The following TMEM132A variants were observed in gnomAD, a reference collection of about 807,000 sequenced individuals.
TMEM132A encodes the protein transmembrane protein 132A, also known as GRP78-binding protein.
In TMEM132A, 48 loss-of-function variants were observed where a neutral mutation model predicts 69.9. The observed-to-expected ratio is 0.69, with a 90% CI of 0.55 to 0.87. The LOEUF (loss-of-function observed/expected upper bound fraction) is 0.87, where lower values mean the gene tolerates loss of function less well. Among genes scored for constraint, TMEM132A ranks in the 40% least tolerant of loss-of-function variants. TMEM132A has a pLI of 0.00. For synonymous variants in TMEM132A, 577 were observed against 613.7 expected, an observed-to-expected ratio of 0.94 and a Z score of 0.88; for missense variants, 1,287 against 1,407.2, an observed-to-expected ratio of 0.91 and a Z score of 1.37.
At chr11:60,931,918 G>A in intron 6 of TMEM132A, 34 bp downstream of exon 6, 1 of 1,614,190 alleles carries the variant, frequency 6.2e-7, no homozygotes. Flanking sequence ...TGGGAAGGCT[G>A]GAGGCCAAGT....
rs749773378 is a variant in TMEM132A at position 60,935,466 on chromosome 11, G to T, written c.2028+23G>T. ...CAGGTGACAGTTGGGGGGTCAGGGG[G>T]ATGAGGTCAACATCTCCAGATGGGG... On this transcript the variant is annotated intron_variant, in intron 10 of 10. Coordinates refer to ENST00000453848, the MANE Select transcript of TMEM132A (RefSeq NM_178031.3). The surrounding 1 kb of genome is among the most constrained non-coding windows in gnomAD (Gnocchi z 5.0). The T allele has an allele frequency of 6.3e-7, 1 of 1,577,678 alleles. No individual in the cohort carries two copies.
At position 60,935,242 on chromosome 11, in the gene TMEM132A, C is replaced by T; in HGVS notation, c.1837-10C>T. The T allele has an allele frequency of 1.3e-6, 2 of 1,598,156 alleles. No homozygotes were observed. The highest frequency in any genetic ancestry group is 1.7e-6 in the Non-Finnish European group (2 of 1,173,136). ...AAGGCCCCCCACCTCCAGCTCCTTT[C>T]CACCCTCAGGTGCGTTCCCCACTGT... On this transcript the variant is annotated splice_polypyrimidine_tract_variant and intron_variant, in intron 9 of 10. Transcript: ENST00000453848. This position sits in a 1 kb window ranked among gnomAD's most constrained non-coding sequence, Gnocchi z 5.0.
chr11:60,936,635 C>T lies in TMEM132A; in HGVS notation c.2800C>T (p.Pro934Ser), dbSNP rs1302946393. 2 of 1,559,976 alleles carry T rather than the reference C, an allele frequency of 1.3e-6. No individual in the cohort carries two copies. The highest frequency in any genetic ancestry group is 1.9e-5 in the Admixed American group (1 of 53,602). Reference sequence around the variant, plus strand: ...TGAGAGTGGGGGAGGAGGGGAGGCCCCTACCCTGGCCCCTGGCCCTCCTGG... The same window carrying T: ...TGAGAGTGGGGGAGGAGGGGAGGCCTCTACCCTGGCCCCTGGCCCTCCTGG... Reference protein sequence around the residue: ...PCESGGGGEAPTLAPGPPGGT... With the variant: ...PCESGGGGEASTLAPGPPGGT... The change falls in exon 11 of 11, where the codon CCT (proline) becomes TCT (serine). Residue 934 changes from proline (P) to serine (S), a missense_variant. Physicochemically the swap from Pro to Ser is moderately conservative, Grantham distance 74 (BLOSUM62 -1). Transcript: ENST00000453848.
chr11:60,934,586 C>A lies in TMEM132A; in HGVS notation c.1658C>A (p.Pro553His), dbSNP rs776316834. ...CGGGCCGGTGTGCGCTTCCTCGCCC[C>A]CTTCGCGGCCCACCCGCTGGACGGC... ...YQRAGVRFLA[P>H]FAAHPLDGGR... The change falls in exon 9 of 11, where the codon CCC becomes CAC. Residue 553 changes from proline to histidine, a missense_variant. By Grantham distance (77) the Pro-to-His change is moderately conservative (BLOSUM62 -2). Coordinates refer to ENST00000453848, the MANE Select transcript of TMEM132A (RefSeq NM_178031.3). 2 of 1,559,534 alleles carry A rather than the reference C, an allele frequency of 1.3e-6. No homozygotes were observed. The highest frequency in any genetic ancestry group is 1.8e-5 in the Admixed American group (1 of 54,406).
rs1243791688 is a variant in TMEM132A, at chr11:60,937,038, CT to C, written c.*132del. ...TCCCCTGCCTGGTCCCCCACAAGGACTCCCATCCAGGCCCCCTCTGCCCTGC... is the reference window on the plus strand; with the variant it reads ...TCCCCTGCCTGGTCCCCCACAAGGACCCCATCCAGGCCCCCTCTGCCCTGC... On this transcript the variant is annotated 3_prime_UTR_variant, in exon 11 of 11. Coordinates refer to ENST00000453848, the MANE Select transcript of TMEM132A (RefSeq NM_178031.3). 6.3e-6 allele frequency: 8 copies of C among 1,269,950 alleles called. No homozygotes were observed. The highest frequency in any genetic ancestry group is 4.5e-5 in the African/African-American group (3 of 66,762). 78.7% of individuals were successfully genotyped at this position (1,269,950 alleles called of 1,614,324 possible). A position where few individuals can be genotyped will look rare whatever the true frequency, so the allele number is the denominator to read the frequency against.
chr11:60,934,626 G>A lies in TMEM132A; in HGVS notation c.1698G>A (p.Thr566=), dbSNP rs565546668. ...AHPLDGGRRL[T]HLLGPDWLLD... ...CGCTGGACGGCGGCCGCCGCCTCAC[G>A]CACCTGCTTGGCCCCGACTGGCTGC... Residue 566 remains threonine, a synonymous_variant, in exon 9 of 11, where the codon ACG becomes ACA. Transcript: ENST00000453848. 3 of 1,589,472 alleles carry A rather than the reference G, an allele frequency of 1.9e-6. No individual in the cohort carries two copies. Among genetic ancestry groups the A allele is most frequent in the Admixed American group, 3.4e-5 (2 of 58,920 alleles).
chr11:60,934,860 C>T, intron 9 of TMEM132A, 96 bp downstream of exon 9: 1 of 1,336,670 alleles, frequency 7.5e-7, no homozygotes. Flanking sequence ...GCCAGGAGCC[C>T]AGAGTGTGTG....
chr11:60,934,657 G>A lies in TMEM132A; in HGVS notation c.1729G>A (p.Val577Met). Residue 577 changes from valine (V) to methionine (M), a missense_variant, in exon 9 of 11, where the codon GTG (valine) becomes ATG (methionine). By Grantham distance (21) the Val-to-Met change is conservative. Coordinates refer to ENST00000453848, the MANE Select transcript of TMEM132A (RefSeq NM_178031.3). ...HLLGPDWLLD[V>M]SHLVAPHARV... ...GCTTGGCCCCGACTGGCTGCTAGAC[G>A]TGTCCCACCTCGTGGCGCCACACGC... 2 of 1,597,054 alleles carry A rather than the reference G, an allele frequency of 1.3e-6. No homozygotes were observed. Among genetic ancestry groups the A allele is most frequent in the Non-Finnish European group, 1.7e-6 (2 of 1,178,442 alleles).
chr11:60,928,955 C>T lies in TMEM132A; in HGVS notation c.861C>T (p.Thr287=). 1 of 1,612,196 alleles carries T rather than the reference C, an allele frequency of 6.2e-7. No homozygotes were observed. ...ACAACTTCACAGCCAGCCTCCTGAC[C>T]CTGCGGTGAGCACCAGGCCACGGGG... ...LRHNFTASLL[T]LRIKVKKGLH... Residue 287 remains threonine (T), a synonymous_variant, in exon 4 of 11, where the codon ACC becomes ACT. Transcript: ENST00000453848.
chr11:60,934,673 C>T lies in TMEM132A; in HGVS notation c.1745C>T (p.Ala582Val), dbSNP rs780959256. 12 of 1,600,680 alleles carry T rather than the reference C, an allele frequency of 7.5e-6. No homozygotes were observed. Among genetic ancestry groups the T allele is most frequent in the African/African-American group, 6.7e-5 (5 of 74,892 alleles). The change falls in exon 9 of 11, where the codon GCG becomes GTG. Residue 582 changes from alanine (A) to valine (V), a missense_variant. Ala to Val is a moderately conservative substitution (Grantham distance 64). Transcript: ENST00000453848. Reference protein sequence around the residue: ...DWLLDVSHLVAPHARVLDSRV... With the variant: ...DWLLDVSHLVVPHARVLDSRV... ...CTGCTAGACGTGTCCCACCTCGTGG[C>T]GCCACACGCCCGCGTGCTGGACTCG...
chr11:60,932,095 G>A lies in TMEM132A; in HGVS notation c.1324G>A (p.Gly442Ser), dbSNP rs573630966. 1.6e-5 allele frequency: 25 copies of A among 1,557,712 alleles called. No individual in the cohort carries two copies. Among genetic ancestry groups the A allele is most frequent in the Middle Eastern group, 1.7e-4 (1 of 5,742 alleles). The stretch of plus-strand genomic sequence containing the variant: ...CTTGGTGGAGGTGACAGAGCATGTC[G>A]GCTGCGAGTCTGCCAACACACAGGT... ...GALVEVTEHV[G>S]CESANTQVLQ... The change falls in exon 7 of 11, where the codon GGC becomes AGC. Residue 442 changes from glycine (G) to serine (S), a missense_variant. By Grantham distance (56) the Gly-to-Ser change is moderately conservative (BLOSUM62 0). Coordinates refer to ENST00000453848, the MANE Select transcript of TMEM132A (RefSeq NM_178031.3).
At position 60,936,835 on chromosome 11, in the gene TMEM132A, G is replaced by A. The variant is rs928301397; in HGVS notation, c.3000G>A (p.Val1000=). The A allele has an allele frequency of 6.2e-7, 1 of 1,611,336 alleles. No individual in the cohort carries two copies. The highest frequency in any genetic ancestry group is 1.1e-5 in the South Asian group (1 of 90,722). ...CAGGCGAGGAGGACATCCGCTGGGT[G>A]TGTGAGGACATGGGGCTGAAGGACC... ...LVAGEEDIRW[V]CEDMGLKDPE... Residue 1000 remains valine, a synonymous_variant, in exon 11 of 11, where the codon GTG becomes GTA. Transcript: ENST00000453848.
chr11:60,937,027 C>A lies in TMEM132A; in HGVS notation c.*120C>A. 1 of 1,272,834 alleles carries A rather than the reference C, an allele frequency of 7.9e-7. No homozygotes were observed. Among genetic ancestry groups the A allele is most frequent in the South Asian group, 1.6e-5 (1 of 63,944 alleles). The allele number at this position is 1,272,834 out of a possible 1,614,324, so 78.8% of individuals were successfully genotyped here. On this transcript the variant is annotated 3_prime_UTR_variant, in exon 11 of 11. Coordinates refer to ENST00000453848, the MANE Select transcript of TMEM132A (RefSeq NM_178031.3). ...GTTGATCCAAGTCCCCTGCCTGGTC[C>A]CCCACAAGGACTCCCATCCAGGCCC...
intron 5 of TMEM132A, 67 bp from the exon 6 acceptor site, chr11:60,931,622 A>G (rs1856480933): frequency 6.8e-7 from 1 of 1,470,050 alleles, no homozygotes. Context: ...TCATGAATGC[A>G]GGAAGTGCTG....
At position 60,930,662 on chromosome 11, in the gene TMEM132A, G is replaced by A; in HGVS notation, c.1016+3G>A. 6.2e-7 allele frequency: 1 copy of A among 1,605,542 alleles called. No individual in the cohort carries two copies. Among genetic ancestry groups the A allele is most frequent in the Non-Finnish European group, 8.5e-7 (1 of 1,176,462 alleles). ...GGGCTCACAGAGCCAGATTCCAGGTGGGCAGTTTCCCTCCACCCAGGGGGC... is the reference window on the plus strand; with the variant it reads ...GGGCTCACAGAGCCAGATTCCAGGTAGGCAGTTTCCCTCCACCCAGGGGGC... On this transcript the variant is annotated splice_donor_region_variant and intron_variant, in intron 5 of 10. Transcript: ENST00000453848.
rs1565122544 is a variant in TMEM132A, at chr11:60,934,528, CGGCGCGCCCGT to C, written c.1604_1614del (p.Arg535LeufsTer74). 6.9e-7 allele frequency: 1 copy of C among 1,454,760 alleles called. No individual in the cohort carries two copies. Among genetic ancestry groups the C allele is most frequent in the East Asian group, 2.7e-5 (1 of 37,154 alleles). 90.1% of individuals were successfully genotyped at this position (1,454,760 alleles called of 1,614,324 possible). A position where few individuals can be genotyped will look rare whatever the true frequency, so the allele number is the denominator to read the frequency against. On this transcript the variant is annotated frameshift_variant, in exon 9 of 11. Transcript: ENST00000453848. LOFTEE classifies it high-confidence loss of function. ...TGCAGAGGCGTCGGATGAGGCCGAGCGGCGCGCCCGTGGCTGCCACCTGCAGTACCAGCGGG... is the reference window on the plus strand; with the variant it reads ...TGCAGAGGCGTCGGATGAGGCCGAGCGGCTGCCACCTGCAGTACCAGCGGG...
At position 60,935,611 on chromosome 11, in the gene TMEM132A, T is replaced by C; in HGVS notation, c.2028+168T>C. On this transcript the variant is annotated intron_variant, in intron 10 of 10. Coordinates refer to ENST00000453848, the MANE Select transcript of TMEM132A (RefSeq NM_178031.3). The surrounding 1 kb of genome is among the most constrained non-coding windows in gnomAD (Gnocchi z 5.0). ...TCTGCAGCTGGAGGTGATCAAGCAG[T>C]GGCTGGAGTATGGCAGTGGGAGGTT... 1 of 824,318 alleles carries C rather than the reference T, an allele frequency of 1.2e-6. No individual in the cohort carries two copies. The highest frequency in any genetic ancestry group is 1.9e-6 in the Non-Finnish European group (1 of 536,986). The allele number at this position is 824,318 out of a possible 1,614,324, so 51.1% of individuals were successfully genotyped here. A position where few individuals can be genotyped will look rare whatever the true frequency, so the allele number is the denominator to read the frequency against.
In TMEM132A at chr11:60,932,143, C is replaced by T; in HGVS notation, c.1356+16C>T. ...GGTCCTGCAGGTGAGTGGCAGGTGCCCAGCTCATGTGAGTCTGCATTTGTG... is the reference window on the plus strand; with the variant it reads ...GGTCCTGCAGGTGAGTGGCAGGTGCTCAGCTCATGTGAGTCTGCATTTGTG... On this transcript the variant is annotated intron_variant, in intron 7 of 10. Transcript: ENST00000453848. 6.6e-7 allele frequency: 1 copy of T among 1,523,438 alleles called. No individual in the cohort carries two copies. The highest frequency in any genetic ancestry group is 1.3e-5 in the South Asian group (1 of 75,710). The allele number at this position is 1,523,438 out of a possible 1,614,324, so 94.4% of individuals were successfully genotyped here.
At position 60,927,692 on chromosome 11, in the gene TMEM132A, G is replaced by C. The variant is rs757832131; in HGVS notation, c.367G>C (p.Val123Leu). 28 of 1,613,564 alleles carry C rather than the reference G, an allele frequency of 1.7e-5. No homozygotes were observed. Among genetic ancestry groups the C allele is most frequent in the Non-Finnish European group, 2.3e-5 (27 of 1,180,026 alleles). Residue 123 changes from valine to leucine, a missense_variant, in exon 3 of 11, where the codon GTG becomes CTG. Transcript: ENST00000453848. ...EPHQRPVPWD[V>L]RAVSVEAAVT... ...CCACCAACGGCCAGTCCCATGGGAC[G>C]TGCGGGCCGTTTCAGTGGAAGCGGC...
Sources: gnomAD v4.1 joint callset for allele counts on GRCh38, gnomAD v4.1.1 for gene constraint, Gnocchi (gnomAD v3.1) non-coding constraint, MANE v1.5 for transcripts, NCBI Gene and HGNC (gene_info 2026-07-23, HGNC 2026-07-21) for gene names.